ROBO2: variants seen among roughly 807,000 people sequenced by gnomAD.
ROBO2 encodes roundabout homolog 2.
A neutral mutation model predicts 160.8 loss-of-function variants in ROBO2; 53 were observed. That is an observed-to-expected ratio of 0.33 (90% confidence interval 0.26 to 0.41). ROBO2 has a LOEUF of 0.41. Ranked by LOEUF, ROBO2 falls within the 10% of genes least tolerant of loss-of-function variation. The pLI is 1.00. For synonymous variants in ROBO2, 664 were observed against 611.7 expected, an observed-to-expected ratio of 1.09 and a Z score of -1.26; for missense variants, 1,577 against 1,722.4, an observed-to-expected ratio of 0.92 and a Z score of 1.49.
intron 2 of ROBO2, among the ~76,000 whole-genome samples, chr3:76,758,391 T>A (rs2061108648): frequency 6.6e-6 from 1 of 151,794 alleles, no homozygotes; most frequent in Non-Finnish European, 1.5e-5. Context: ...GTGTGAGGGA[T>A]CTGGCTCCAT....
At chr3:77,280,135 C>T (rs2153369878) in intron 2 of ROBO2, among the ~76,000 whole-genome samples, 1 of 152,268 alleles carries the variant, frequency 6.6e-6, no homozygotes, top group African/African-American at 2.4e-5. Context: ...TACATCTCTT[C>T]ACATGTTCCA....
intron 2 of ROBO2, among the ~76,000 whole-genome samples, chr3:77,105,241 CACAA>C (rs1194301097): frequency 3.3e-5 from 5 of 152,198 alleles, no homozygotes; most frequent in Admixed American, 3.3e-4. Flanking sequence ...CAAAGAAGCA[CACAA>C]ACAAACATAT....
intron 2 of ROBO2, among the ~76,000 whole-genome samples, chr3:76,724,663 A>T (rs1340239546): frequency 6.6e-6 from 1 of 152,202 alleles, no homozygotes; most frequent in Non-Finnish European, 1.5e-5. Flanking sequence ...AATTTCCAGC[A>T]GCCACTTAAA....
chr3:77,090,432 C>T (rs2070035557), intron 1 of ROBO2, among the ~76,000 whole-genome samples: 1 of 141,460 alleles, frequency 7.1e-6, no homozygotes, highest in Non-Finnish European at 1.5e-5. Context: ...CGGCTCATTG[C>T]AAGCTCCGTC....
At position 77,411,876 on chromosome 3, in the gene ROBO2, T is replaced by C. The variant is rs144562099; in HGVS notation, c.389-65538T>C. Among the ~76,000 whole-genome samples, 133 of 152,322 alleles carry C rather than the reference T, an allele frequency of 8.7e-4. 4 individuals are homozygous for C. In the East Asian group the frequency reaches 0.022, roughly 25 times the overall value. ...TTATATCGTTAAGACATTAAAAATA[T>C]TCTCATCCTTTATTGTTTCCTTCCC... On this transcript the variant is annotated intron_variant, in intron 2 of 25. Coordinates refer to ENST00000461745, the Ensembl canonical transcript of ROBO2.
chr3:77,125,241 C>T (rs1230114940), intron 2 of ROBO2, among the ~76,000 whole-genome samples: 5 of 152,148 alleles, frequency 3.3e-5, no homozygotes, highest in South Asian at 2.1e-4. Context: ...GTCTGCACCA[C>T]GCCAATCACA....
chr3:77,580,240 A>G (rs984057734), intron 16 of ROBO2, 122 bp downstream of exon 17: 7 of 917,822 alleles, frequency 7.6e-6, no homozygotes, highest in Non-Finnish European at 1.2e-5. Context: ...CACATATCAT[A>G]TTGACAAATG....
At chr3:76,942,649 C>T (rs1430546785) in intron 2 of ROBO2, among the ~76,000 whole-genome samples, 2 of 151,992 alleles carry the variant, frequency 1.3e-5, no homozygotes, top group Non-Finnish European at 2.9e-5. Context: ...GAATGGAAAC[C>T]TCTCATTGTA....
At chr3:76,432,100 T>C (rs1176051783) in intron 2 of ROBO2, among the ~76,000 whole-genome samples, 4 of 152,136 alleles carry the variant, frequency 2.6e-5, no homozygotes, top group Non-Finnish European at 4.4e-5. Flanking sequence ...TTTGGTCTCC[T>C]ACAAAGTTGT....
In ROBO2 at chr3:76,721,247, A is replaced by G. The variant is rs2093461149; in HGVS notation, c.110-376767A>G. 2.0e-5 allele frequency among the ~76,000 whole-genome samples: 3 copies of G among 147,048 alleles called. No homozygotes were observed. The South Asian group carries it at 6.7e-4, about 33-fold the overall frequency. ...TTACAAAGTTTCCTAACTTCTACAT[A>G]AAACATTTTTCTTAACTTTTGAAGT... On this transcript the variant is annotated intron_variant, in intron 2 of 26. Coordinates refer to the ROBO2 transcript ENST00000487694.
rs567044451 is a variant in ROBO2, at chr3:77,084,825, C to T, written c.62-13189C>T. On this transcript the variant is annotated intron_variant, in intron 1 of 25. Transcript: ENST00000461745. ...CAAGCAGAAAAAGATCATTTGAAAA[C>T]GTTTATTGCACTCACATTTGCTGCT... Among the ~76,000 whole-genome samples, 28 of 152,108 alleles carry T rather than the reference C, an allele frequency of 1.8e-4. No homozygotes were observed. In the South Asian group the frequency reaches 3.3e-3, roughly 18 times the overall value.
intron 1 of ROBO2, among the ~76,000 whole-genome samples, chr3:75,920,635 G>T (rs988131866): frequency 6.6e-5 from 10 of 152,100 alleles, no homozygotes; most frequent in Non-Finnish European, 1.5e-4. Flanking sequence ...GGTTGTTAAA[G>T]TTTCCCACTA....
chr3:76,070,542 G>T (rs2068416803), intron 2 of ROBO2, among the ~76,000 whole-genome samples: 1 of 152,130 alleles, frequency 6.6e-6, no homozygotes, highest in African/African-American at 2.4e-5. Context: ...TTTCGCCCCT[G>T]TCCTGTGGTC....
chr3:76,199,222 A>C (rs1184914798), intron 2 of ROBO2, among the ~76,000 whole-genome samples: 4 of 152,118 alleles, frequency 2.6e-5, no homozygotes, highest in Non-Finnish European at 5.9e-5. Flanking sequence ...TATTTGTACC[A>C]TAGCAGTAAG....
intron 2 of ROBO2, among the ~76,000 whole-genome samples, chr3:77,293,555 A>T: frequency 6.8e-6 from 1 of 147,804 alleles, no homozygotes; most frequent in South Asian, 2.1e-4. Flanking sequence ...CACTAAAGAC[A>T]TAAAGTAAAA....
intron 2 of ROBO2, among the ~76,000 whole-genome samples, chr3:76,969,073 T>C (rs2059445398): frequency 6.6e-6 from 1 of 152,142 alleles, no homozygotes; most frequent in Admixed American, 6.6e-5. Flanking sequence ...AGACTTGGAG[T>C]AAGTGAAATA....
intron 2 of ROBO2, among the ~76,000 whole-genome samples, chr3:76,922,041 A>T (rs574010991): frequency 5.3e-4 from 81 of 152,288 alleles, no homozygotes; most frequent in Middle Eastern, 3.4e-3. Flanking sequence ...GCCAGGCGCG[A>T]TGGTTCATGC....
intron 2 of ROBO2, among the ~76,000 whole-genome samples, chr3:76,728,040 T>A (rs1340899131): frequency 6.6e-6 from 1 of 151,968 alleles, no homozygotes; most frequent in Non-Finnish European, 1.5e-5. Context: ...ATATTTTGTA[T>A]TAATATTTAT....
chr3:76,921,013 T>C (rs566911284), intron 2 of ROBO2, among the ~76,000 whole-genome samples: 4 of 152,280 alleles, frequency 2.6e-5, no homozygotes, highest in African/African-American at 9.6e-5. Context: ...GTATTCTCTT[T>C]GTTGAGCCAG....
Sources: allele counts gnomAD v4.1 joint callset (sites outside exome capture counted in the v4.1 genomes callset), GRCh38; gene constraint gnomAD v4.1.1; transcripts MANE v1.5; gene names NCBI Gene and HGNC (gene_info 2026-07-23, HGNC 2026-07-21).